MTREX: variants seen among roughly 807,000 people sequenced by gnomAD.
The protein encoded by MTREX is exosome RNA helicase MTR4.
MTREX carries 76 observed loss-of-function variants against 135.4 expected under a neutral mutation model. The observed-to-expected ratio is 0.56, with a 90% CI of 0.47 to 0.68. The LOEUF (loss-of-function observed/expected upper bound fraction) is 0.68, where lower values mean the gene tolerates loss of function less well. Ranked by LOEUF, MTREX falls within the 30% of genes least tolerant of loss-of-function variation. MTREX has a pLI of 0.00. For synonymous variants in MTREX, 404 were observed against 401.6 expected (o/e 1.01, Z -0.07); for missense variants, 920 against 1,262.1 (o/e 0.73, Z 4.11).
At chr5:55,312,224 T>G (rs1204617605) in intron 1 of MTREX, among the ~76,000 whole-genome samples, 4 of 152,246 alleles carry the variant, frequency 2.6e-5, no homozygotes, top group Non-Finnish European at 5.9e-5. Flanking sequence ...ATCAGCTGTT[T>G]GTTTACCTTG....
intron 16 of MTREX, among the ~76,000 whole-genome samples, chr5:55,375,391 TTC>T (rs1474036273): frequency 6.6e-6 from 1 of 152,146 alleles, no homozygotes; most frequent in Non-Finnish European, 1.5e-5. Context: ...TAGGTGTGCA[TTC>T]TCTTTCTCAG....
intron 6 of MTREX, 69 bp from the exon 7 acceptor site, chr5:55,341,612 C>A: frequency 1.3e-6 from 1 of 752,044 alleles, no homozygotes; most frequent in Non-Finnish European, 2.1e-6. Context: ...TTGGAAAAAA[C>A]AACTTTTCTC....
At chr5:55,402,968 G>A (rs775536426) in intron 21 of MTREX, among the ~76,000 whole-genome samples, 9 of 151,486 alleles carry the variant, frequency 5.9e-5, no homozygotes, top group Non-Finnish European at 1.0e-4. Context: ...AGGCCAAGGC[G>A]GGAAGATCAC....
Position 55,379,198 on chromosome 5 carries a change from A to G in MTREX, c.2052+3A>G. On this transcript the variant is annotated splice_donor_region_variant and intron_variant, in intron 18 of 26. Transcript: ENST00000230640. Reference sequence around the variant, plus strand: ...TCTCAAAAAAGTCAAATGTTAAGGTAAACTATTATCTTTAAATTAGAATTG... The same window carrying G: ...TCTCAAAAAAGTCAAATGTTAAGGTGAACTATTATCTTTAAATTAGAATTG... 6.5e-7 allele frequency: 1 copy of G among 1,538,562 alleles called. No individual in the cohort carries two copies. Among genetic ancestry groups the G allele is most frequent in the African/African-American group, 1.4e-5 (1 of 73,502 alleles).
At chr5:55,341,549 C>T in intron 6 of MTREX, 132 bp from the exon 7 acceptor site, 9 of 529,158 alleles carry the variant, frequency 1.7e-5, no homozygotes, top group South Asian at 3.0e-5. Flanking sequence ...TTCTGTAACC[C>T]CTTAAAATTA....
At chr5:55,328,854 C>A in intron 5 of MTREX, 43 bp downstream of exon 5, 1 of 1,311,766 alleles carries the variant, frequency 7.6e-7, no homozygotes, top group South Asian at 1.3e-5. Context: ...TCTTATTTCA[C>A]TCTTTAAAAG....
intron 26 of MTREX, 84 bp from the exon 27 acceptor site, chr5:55,424,636 G>A: frequency 1.1e-6 from 1 of 900,208 alleles, no homozygotes; most frequent in Non-Finnish European, 1.9e-6. Context: ...ATCAGGGTTG[G>A]TATACTGGCT....
rs1481812780 is a variant in MTREX, at chr5:55,385,327, AC to A, written c.2053-2645del. Reference sequence around the variant, plus strand: ...GGGCCCTTTTTCTCAGGAGCACCACACCAAGATAGAGCCTCTGGCCAACCAG... The same window carrying A: ...GGGCCCTTTTTCTCAGGAGCACCACACAAGATAGAGCCTCTGGCCAACCAG... On this transcript the variant is annotated intron_variant, in intron 18 of 26. Transcript: ENST00000230640. Among the ~76,000 whole-genome samples, 4 of 152,260 alleles carry A rather than the reference AC, an allele frequency of 2.6e-5. No homozygotes were observed. The East Asian group carries it at 7.7e-4, about 29-fold the overall frequency.
chr5:55,361,912 G>GTTTGTTTGTTTTTGTT (rs57156858), intron 15 of MTREX, among the ~76,000 whole-genome samples: 3 of 150,398 alleles, frequency 2.0e-5, no homozygotes, highest in African/African-American at 7.4e-5. Flanking sequence ...TTGTTTGTTT[G>GTTTGTTTGTTTTTGTT]TTTGTTTTTG....
chr5:55,414,811 A>T (rs1750941708), intron 24 of MTREX, among the ~76,000 whole-genome samples: 1 of 151,862 alleles, frequency 6.6e-6, no homozygotes, highest in African/African-American at 2.4e-5. Flanking sequence ...CACCACACTC[A>T]GCTAATTTTT....
At chr5:55,396,605 T>C (rs1163475474) in intron 19 of MTREX, among the ~76,000 whole-genome samples, 1 of 152,228 alleles carries the variant, frequency 6.6e-6, no homozygotes, top group South Asian at 2.1e-4. Context: ...TGGCAAATTA[T>C]CGAACCTTTC....
intron 11 of MTREX, 37 bp from the exon 12 acceptor site, chr5:55,349,536 C>G: frequency 9.0e-7 from 1 of 1,107,760 alleles, no homozygotes; most frequent in East Asian, 2.4e-5. Context: ...ATCACTAACT[C>G]ATTTTGATAT....
chr5:55,366,780 A>G lies in MTREX; in HGVS notation c.1715A>G (p.Asn572Ser). 6.2e-7 allele frequency: 1 copy of G among 1,611,678 alleles called. No individual in the cohort carries two copies. The highest frequency in any genetic ancestry group is 8.5e-7 in the Non-Finnish European group (1 of 1,178,814). Residue 572 changes from asparagine (N) to serine (S), a missense_variant, in exon 16 of 27, where the codon AAC (asparagine) becomes AGC (serine). By Grantham distance (46) the Asn-to-Ser change is conservative. Coordinates refer to ENST00000230640, the MANE Select transcript of MTREX (RefSeq NM_015360.5). ...AFHLTYNMVLNLLRVEEINPE... is the reference protein window; with the variant it reads ...AFHLTYNMVLSLLRVEEINPE... ...CATTTGACCTACAACATGGTTTTGA[A>G]CTTACTACGTGTAGAAGAAATTAAT...
intron 1 of MTREX, among the ~76,000 whole-genome samples, chr5:55,313,628 G>A (rs1749151749): frequency 6.6e-6 from 1 of 152,058 alleles, no homozygotes; most frequent in South Asian, 2.1e-4. Context: ...TTCTCTAAAT[G>A]TTTATGCCAC....
intron 18 of MTREX, among the ~76,000 whole-genome samples, chr5:55,384,260 ATAT>A (rs1434219261): frequency 9.5e-4 from 145 of 152,238 alleles, no homozygotes; most frequent in African/African-American, 3.4e-3. Flanking sequence ...TTCACTGTTG[ATAT>A]TATCTGCTAG....
intron 12 of MTREX, 101 bp from the exon 13 acceptor site, chr5:55,350,818 T>A: frequency 1.1e-6 from 1 of 947,846 alleles, no homozygotes; most frequent in Non-Finnish European, 1.6e-6. Flanking sequence ...TAAGTTTCTT[T>A]AAAGAGAAAG....
intron 9 of MTREX, 77 bp from the exon 10 acceptor site, chr5:55,345,017 G>A (rs1749707312): frequency 8.7e-6 from 7 of 808,512 alleles, no homozygotes; most frequent in South Asian, 1.6e-5. Context: ...TTTATTTGGG[G>A]AAGCCTTATG....
intron 1 of MTREX, among the ~76,000 whole-genome samples, chr5:55,318,803 GTTC>G (rs10617708): frequency 0.13 from 19,528 of 151,858 alleles, 1,471 homozygotes; most frequent in East Asian, 0.26. Flanking sequence ...CTTGGCACAT[GTTC>G]TTCTCTAGGC....
rs560431620 is a variant in MTREX at position 55,385,799 on chromosome 5, G to T, written c.2053-2175G>T. Among the ~76,000 whole-genome samples the T allele has an allele frequency of 7.7e-4, 117 of 152,188 alleles. 1 individual carries two copies. The highest frequency in any genetic ancestry group is 2.8e-3 in the African/African-American group (115 of 41,514). ...TTATAGCTAACATAGTTACAAGTAC[G>T]CATACACACACAAAAGACATATTTT... is the stretch of plus-strand genomic sequence containing the variant. On this transcript the variant is annotated intron_variant, in intron 18 of 26. Transcript: ENST00000230640.
Sources: allele counts gnomAD v4.1 joint callset (sites outside exome capture counted in the v4.1 genomes callset), GRCh38; gene constraint gnomAD v4.1.1; transcripts MANE v1.5; gene names NCBI Gene and HGNC (gene_info 2026-07-23, HGNC 2026-07-21).